Variants in STAU2 observed in about 807,000 individuals in gnomAD.
STAU2 encodes the protein staufen double-stranded RNA binding protein 2.
STAU2 carries 20 observed loss-of-function variants against 65.9 expected under a neutral mutation model. The observed-to-expected ratio is 0.30, with a 90% CI of 0.21 to 0.44. The LOEUF (loss-of-function observed/expected upper bound fraction) is 0.44. Among genes scored for constraint, STAU2 ranks in the 20% least tolerant of loss-of-function variants. The pLI is 1.00. For missense variants in STAU2, 558 were observed against 683.9 expected, an observed-to-expected ratio of 0.82 and a Z score of 2.05; for synonymous variants, 232 against 233.9, an observed-to-expected ratio of 0.99 and a Z score of 0.07.
intron 9 of STAU2, among the ~76,000 whole-genome samples, chr8:73,605,203 T>C (rs981134103): frequency 6.6e-6 from 1 of 151,534 alleles, no homozygotes; most frequent in Non-Finnish European, 1.5e-5. Context: ...AACTACAAAA[T>C]ACTGCTGAAA....
At chr8:73,436,982 T>C (rs577736002) in intron 13 of STAU2, among the ~76,000 whole-genome samples, 17 of 152,344 alleles carry the variant, frequency 1.1e-4, no homozygotes, top group African/African-American at 3.8e-4. Flanking sequence ...TTAACACACC[T>C]AACAATATTA....
Position 73,613,739 on chromosome 8 carries a change from C to T in STAU2, c.891+5G>A. 6.3e-7 allele frequency: 1 copy of T among 1,598,488 alleles called. No homozygotes were observed. On this transcript the variant is annotated splice_donor_5th_base_variant and intron_variant, in intron 9 of 14. Transcript: ENST00000524300. ...ACTGACTGATGTTCACAAATATAAACTTACCTTTACTATTGTTTTAGGGCG... is the reference window on the plus strand; with the variant it reads ...ACTGACTGATGTTCACAAATATAAATTTACCTTTACTATTGTTTTAGGGCG...
At chr8:73,480,501 A>C (rs1820551235) in intron 13 of STAU2, among the ~76,000 whole-genome samples, 1 of 152,286 alleles carries the variant, frequency 6.6e-6, no homozygotes, top group South Asian at 2.1e-4. Flanking sequence ...TGAGACTATT[A>C]GCATTTGGAA....
intron 12 of STAU2, among the ~76,000 whole-genome samples, chr8:73,574,217 TACC>T (rs1809338171): frequency 6.6e-6 from 1 of 152,144 alleles, no homozygotes; most frequent in Non-Finnish European, 1.5e-5. Context: ...TACCATCTCA[TACC>T]AGTTAGAATG....
At chr8:73,478,710 C>T (rs1026599791) in intron 13 of STAU2, among the ~76,000 whole-genome samples, 1 of 152,144 alleles carries the variant, frequency 6.6e-6, no homozygotes, top group African/African-American at 2.4e-5. Flanking sequence ...TCAATATATG[C>T]ATTTTGCATA....
chr8:73,498,579 T>A (rs1821559179), intron 13 of STAU2, among the ~76,000 whole-genome samples: 1 of 151,822 alleles, frequency 6.6e-6, no homozygotes, highest in Non-Finnish European at 1.5e-5. Context: ...ACTTCATTTG[T>A]TCATCAAGTA....
At chr8:73,555,334 T>TAA (rs956268566) in intron 12 of STAU2, among the ~76,000 whole-genome samples, 4 of 28,474 alleles carry the variant, frequency 1.4e-4, no homozygotes, top group African/African-American at 3.0e-4. Flanking sequence ...CACAAGAGCA[T>TAA]ACAGAGTCAG....
intron 7 of STAU2, 84 bp downstream of exon 7, chr8:73,617,208 T>C (rs1021907544): frequency 7.3e-6 from 11 of 1,498,728 alleles, no homozygotes; most frequent in Non-Finnish European, 9.9e-6. Context: ...TCAGAACAGA[T>C]TATTTATTTT....
rs1818990529 is a variant in STAU2, at chr8:73,687,393, T to C, written c.274+1261A>G. ...AATTTATAATTTATATTTATAAAAA[T>C]AATATATTTATATTTAAATTAATTT... On this transcript the variant is annotated intron_variant, in intron 5 of 14. Coordinates refer to ENST00000524300, the MANE Select transcript of STAU2 (RefSeq NM_001164380.2). Among the ~76,000 whole-genome samples the C allele has an allele frequency of 2.5e-5, 3 of 119,036 alleles. No individual in the cohort carries two copies. The South Asian group carries it at 7.3e-4, about 29-fold the overall frequency. 78.1% of individuals were successfully genotyped at this position (119,036 alleles called of 152,430 possible).
chr8:73,645,163 C>T (rs946154383), intron 6 of STAU2, among the ~76,000 whole-genome samples: 6 of 152,018 alleles, frequency 3.9e-5, no homozygotes, highest in African/African-American at 7.2e-5. Context: ...AGACAAATAT[C>T]GTCCATGACT....
At chr8:73,509,361 A>T (rs1004398631) in intron 13 of STAU2, among the ~76,000 whole-genome samples, 9 of 152,228 alleles carry the variant, frequency 5.9e-5, no homozygotes, top group African/African-American at 2.2e-4. Context: ...TTATTGAGAT[A>T]TAGGAGCTCT....
chr8:73,647,652 C>T (rs1047141792), intron 6 of STAU2, among the ~76,000 whole-genome samples: 2 of 150,434 alleles, frequency 1.3e-5, no homozygotes, highest in African/African-American at 2.5e-5. Context: ...GATCATGGCT[C>T]GTAGTAGCCT....
intron 13 of STAU2, among the ~76,000 whole-genome samples, chr8:73,504,254 T>TAC (rs1361161604): frequency 6.6e-6 from 1 of 152,114 alleles, no homozygotes; most frequent in African/African-American, 2.4e-5. Context: ...TACTATCAGA[T>TAC]ACAATAGCTT....
intron 13 of STAU2, among the ~76,000 whole-genome samples, chr8:73,494,064 A>G (rs1363466001): frequency 6.6e-6 from 1 of 151,742 alleles, no homozygotes; most frequent in Non-Finnish European, 1.5e-5. Flanking sequence ...GAAGGAACTT[A>G]TTGTGATGAT....
chr8:73,527,872 T>C, intron 13 of STAU2: 1 of 323,956 alleles, frequency 3.1e-6, no homozygotes. Context: ...ATAGGTCCTT[T>C]TGCAAAGGGT....
At chr8:73,661,037 A>G (rs907577036) in intron 6 of STAU2, among the ~76,000 whole-genome samples, 12 of 152,218 alleles carry the variant, frequency 7.9e-5, no homozygotes, top group African/African-American at 2.9e-4. Context: ...AGGGTCATGC[A>G]TGGTCACTGA....
At chr8:73,542,664 A>T (rs540229402) in intron 13 of STAU2, among the ~76,000 whole-genome samples, 210 of 152,288 alleles carry the variant, frequency 1.4e-3, no homozygotes, top group Non-Finnish European at 2.4e-3. Flanking sequence ...TGAGTAAAAG[A>T]TGTGGACACT....
intron 3 of STAU2, among the ~76,000 whole-genome samples, chr8:73,717,153 G>C (rs7844179): frequency 0.28 from 42,310 of 151,840 alleles, 6,352 homozygotes; most frequent in East Asian, 0.45. Flanking sequence ...AACAAAGTTG[G>C]AGCAAATGGA....
chr8:73,591,470 C>T (rs1053363697), intron 11 of STAU2, among the ~76,000 whole-genome samples: 24 of 152,028 alleles, frequency 1.6e-4, no homozygotes, highest in Non-Finnish European at 2.9e-5. Flanking sequence ...CAATTATATG[C>T]TTTCTAAAAG....
Sources: allele counts gnomAD v4.1 joint callset (sites outside exome capture counted in the v4.1 genomes callset), GRCh38; gene constraint gnomAD v4.1.1; transcripts MANE v1.5; gene names NCBI Gene and HGNC (gene_info 2026-07-23, HGNC 2026-07-21).